MALT1: variants seen among roughly 807,000 people sequenced by gnomAD.
The protein encoded by MALT1 is MALT1 paracaspase, also known as mucosa-associated lymphoid tissue lymphoma translocation protein 1.
In MALT1, 36 loss-of-function variants were observed where a neutral mutation model predicts 85.5. The ratio of observed to expected loss-of-function variants is 0.42; its 90% CI spans 0.32 to 0.56. MALT1 has a LOEUF of 0.56. MALT1 is among the 20% of genes least tolerant of loss of function. MALT1 has a pLI of 0.10. For missense variants in MALT1, 716 were observed against 981.6 expected (o/e 0.73, Z 3.62); for synonymous variants, 359 against 361.3 (o/e 0.99, Z 0.07).
intron 13 of MALT1, 52 bp from the exon 14 acceptor site, chr18:58,741,813 A>T: frequency 8.7e-7 from 1 of 1,147,002 alleles, no homozygotes; most frequent in Non-Finnish European, 1.2e-6. Flanking sequence ...TAAATATTTA[A>T]AACATAAGAA....
intron 9 of MALT1, among the ~76,000 whole-genome samples, chr18:58,721,585 G>A (rs2054983747): frequency 6.6e-6 from 1 of 152,060 alleles, no homozygotes; most frequent in African/African-American, 2.4e-5. Flanking sequence ...AAATTACTGA[G>A]GCTTTTCACA....
intron 1 of MALT1, chr18:58,677,760 G>C (rs2054262653): frequency 1.3e-5 from 2 of 152,158 alleles, no homozygotes; most frequent in South Asian, 4.1e-4. Flanking sequence ...CAGAATTTGA[G>C]ACTGGTTGAC....
rs772005626 is a variant in MALT1 at position 58,723,260 on chromosome 18, T to C, written c.1222+9T>C. 1.3e-6 allele frequency: 2 copies of C among 1,581,330 alleles called. No homozygotes were observed. The highest frequency in any genetic ancestry group is 1.3e-5 in the African/African-American group (1 of 74,230). ...AGACAAGGGAGTATATGGTAAGATA[T>C]TTATAATGTTTGTTTTTACAATTAT... On this transcript the variant is annotated intron_variant, in intron 10 of 16. Transcript: ENST00000649217.
chr18:58,715,838 G>C, intron 8 of MALT1, 97 bp from the exon 9 acceptor site: 1 of 814,184 alleles, frequency 1.2e-6, no homozygotes, highest in East Asian at 2.5e-5. Flanking sequence ...ACTATATTCT[G>C]TAAGTGATGC....
At chr18:58,715,781 T>C (rs2054891028) in intron 8 of MALT1, among the ~76,000 whole-genome samples, 154 bp from the exon 9 acceptor site, 1 of 152,148 alleles carries the variant, frequency 6.6e-6, no homozygotes, top group Non-Finnish European at 1.5e-5. Flanking sequence ...ACCACCATCG[T>C]TTTTTTCCAT....
At position 58,735,316 on chromosome 18, in the gene MALT1, T is replaced by C; in HGVS notation, c.1590T>C (p.Asp530=). The C allele has an allele frequency of 6.3e-7, 1 of 1,599,264 alleles. No homozygotes were observed. The highest frequency in any genetic ancestry group is 8.5e-7 in the Non-Finnish European group (1 of 1,176,708). ...ATAAGAAAATCACTGTGTTACTGGA[T>C]GAAGTTGCAGAAGGTAAAATAAAAA... The part of the protein sequence containing the change: ...LEDKKITVLL[D]EVAEDMGKCH... Residue 530 remains aspartate, a synonymous_variant, in exon 13 of 17, where the codon GAT becomes GAC. Coordinates refer to ENST00000649217, the MANE Select transcript of MALT1 (RefSeq NM_006785.4).
At chr18:58,714,569 G>GT (rs1276062700) in intron 8 of MALT1, among the ~76,000 whole-genome samples, 2 of 152,148 alleles carry the variant, frequency 1.3e-5, no homozygotes, top group African/African-American at 2.4e-5. Context: ...AGTAAGAAGT[G>GT]TGTTTGTGGG....
chr18:58,672,811 T>C (rs183455888), intron 1 of MALT1: 81 of 152,340 alleles, frequency 5.3e-4, no homozygotes, highest in Middle Eastern at 3.4e-3. Flanking sequence ...GCATTCAGTC[T>C]GTCGCACTAT....
intron 7 of MALT1, among the ~76,000 whole-genome samples, chr18:58,712,162 C>T (rs969549614): frequency 2.6e-5 from 4 of 152,102 alleles, no homozygotes. Context: ...CTATTTAGAA[C>T]ATATAGAGAT....
chr18:58,685,982 A>G (rs1465121989), intron 2 of MALT1, among the ~76,000 whole-genome samples: 2 of 152,046 alleles, frequency 1.3e-5, no homozygotes, highest in Non-Finnish European at 2.9e-5. Flanking sequence ...ACATCTGTAT[A>G]GATAGACTTA....
intron 9 of MALT1, 76 bp downstream of exon 9, chr18:58,716,043 A>G (rs2054894734): frequency 1.8e-6 from 2 of 1,137,652 alleles, no homozygotes; most frequent in African/African-American, 3.1e-5. Flanking sequence ...AGACATTTTA[A>G]TTTGGTTTTT....
intron 10 of MALT1, among the ~76,000 whole-genome samples, chr18:58,728,333 C>T (rs1416885312): frequency 3.9e-5 from 6 of 152,160 alleles, no homozygotes; most frequent in Non-Finnish European, 5.9e-5. Flanking sequence ...GGGCCACACA[C>T]GGTGGCTCAC....
intron 2 of MALT1, among the ~76,000 whole-genome samples, chr18:58,681,906 C>T (rs1417381387): frequency 6.6e-6 from 1 of 152,166 alleles, no homozygotes; most frequent in Non-Finnish European, 1.5e-5. Context: ...AGGAAACAGT[C>T]CCTCTTCTCC....
chr18:58,707,928 T>C lies in MALT1; in HGVS notation c.650-1450T>C, dbSNP rs531403363. On this transcript the variant is annotated intron_variant, in intron 4 of 16. Transcript: ENST00000649217. ...AGACTAGAAATCTCTGTTTTACAGC[T>C]CTAGTGCCAAACTGCAAGAGATCTC... is the stretch of plus-strand genomic sequence containing the variant. Among the ~76,000 whole-genome samples, 4 of 152,292 alleles carry C rather than the reference T, an allele frequency of 2.6e-5. No homozygotes were observed. The East Asian group carries it at 5.8e-4, about 22-fold the overall frequency.
At chr18:58,737,419 C>T (rs2055238141) in intron 13 of MALT1, among the ~76,000 whole-genome samples, 1 of 150,716 alleles carries the variant, frequency 6.6e-6, no homozygotes, top group African/African-American at 2.4e-5. Context: ...CAGTTTGAGA[C>T]TGTAGTAAGT....
chr18:58,702,355 G>C (rs1189824573), intron 4 of MALT1, among the ~76,000 whole-genome samples: 1 of 152,072 alleles, frequency 6.6e-6, no homozygotes, highest in Non-Finnish European at 1.5e-5. Flanking sequence ...GTGCACTCCA[G>C]CCTAGGTGAC....
At chr18:58,737,834 C>T (rs553296677) in intron 13 of MALT1, among the ~76,000 whole-genome samples, 2 of 152,338 alleles carry the variant, frequency 1.3e-5, no homozygotes, top group Admixed American at 1.3e-4. Context: ...CCACCGGCCT[C>T]AGCCTCCCAA....
At position 58,747,547 on chromosome 18, in the gene MALT1, T is replaced by A; in HGVS notation, c.2180T>A (p.Phe727Tyr). 6.2e-7 allele frequency: 1 copy of A among 1,614,180 alleles called. No homozygotes were observed. The highest frequency in any genetic ancestry group is 1.1e-5 in the South Asian group (1 of 91,082). Residue 727 changes from phenylalanine to tyrosine, a missense_variant, in exon 17 of 17, where the codon TTT (phenylalanine) becomes TAT (tyrosine). Physicochemically the swap from Phe to Tyr is conservative, Grantham distance 22 (BLOSUM62 3). Transcript: ENST00000649217. ...MHRGLGRKTC[F>Y]QTCLMSNGPY... is the part of the protein sequence containing the mutation. ...CGAGGTTTGGGAAGGAAGACTTGCT[T>A]TCAAACTTGTCTTATGTCTAATGGT...
At chr18:58,704,522 T>C (rs562006728) in intron 4 of MALT1, among the ~76,000 whole-genome samples, 1 of 152,340 alleles carries the variant, frequency 6.6e-6, no homozygotes, top group East Asian at 1.9e-4. Context: ...AGTGGCACGA[T>C]CATGGCTCAC....
Sources: gnomAD v4.1 joint callset for allele counts (sites outside exome capture counted in the v4.1 genomes callset) on GRCh38, gnomAD v4.1.1 for gene constraint, MANE v1.5 for transcripts, NCBI Gene and HGNC (gene_info 2026-07-23, HGNC 2026-07-21) for gene names.